Variants in PCDHGB6 observed in about 807,000 individuals in gnomAD.
The protein encoded by PCDHGB6 is protocadherin gamma subfamily B, 6.
A neutral mutation model predicts 59.1 loss-of-function variants in PCDHGB6; 51 were observed. The ratio of observed to expected loss-of-function variants is 0.86; its 90% confidence interval spans 0.69 to 1.09. PCDHGB6 has a LOEUF of 1.09. Among genes scored for constraint, PCDHGB6 ranks in the 50% least tolerant of loss-of-function variants. The pLI is 0.00. For missense variants in PCDHGB6, 1,148 were observed against 1,205.1 expected, an observed-to-expected ratio of 0.95 and a Z score of 0.70; for synonymous variants, 466 against 495.1, an observed-to-expected ratio of 0.94 and a Z score of 0.78.
rs1167791830 is a variant in PCDHGB6 at position 141,420,032 on chromosome 5, G to A, written c.2418+9412G>A. 6.2e-7 allele frequency: 1 copy of A among 1,613,956 alleles called. No individual in the cohort carries two copies. Among genetic ancestry groups the A allele is most frequent in the Non-Finnish European group, 8.5e-7 (1 of 1,179,920 alleles). ...ACAGTCTTTCAGCCCTACTGCAGGA[G>A]ACTGCTTTGAGTCAGTTCTCTGCTC... On this transcript the variant is annotated intron_variant, in intron 1 of 3. Coordinates refer to ENST00000520790, the MANE Select transcript of PCDHGB6 (RefSeq NM_018926.3).
At chr5:141,412,139 T>C (rs1380576842) in intron 1 of PCDHGB6, 1 of 152,250 alleles carries the variant, frequency 6.6e-6, no homozygotes, top group Non-Finnish European at 1.5e-5. Flanking sequence ...TGGCCTCTGA[T>C]ACAAACTGCC....
Position 141,408,450 on chromosome 5 carries a change from A to C in PCDHGB6, c.248A>C (p.Asp83Ala). 6.2e-7 allele frequency: 1 copy of C among 1,613,944 alleles called. No individual in the cohort carries two copies. Among genetic ancestry groups the C allele is most frequent in the Non-Finnish European group, 8.5e-7 (1 of 1,179,820 alleles). ...LHFSVDAESG[D>A]LLVKNRIDRE... ...TTCAGCGTAGACGCGGAGAGCGGGGACTTACTTGTGAAGAACCGAATAGAC... is the reference window on the plus strand; with the variant it reads ...TTCAGCGTAGACGCGGAGAGCGGGGCCTTACTTGTGAAGAACCGAATAGAC... Residue 83 changes from aspartate (D) to alanine (A), a missense_variant, in exon 1 of 4, where the codon GAC becomes GCC. Physicochemically the swap from Asp to Ala is moderately radical, Grantham distance 126 (BLOSUM62 -2). Coordinates refer to ENST00000520790, the MANE Select transcript of PCDHGB6 (RefSeq NM_018926.3).
At chr5:141,417,503 TAA>T in intron 1 of PCDHGB6, 1 of 229,962 alleles carries the variant, frequency 4.3e-6, no homozygotes, top group East Asian at 9.7e-5. Flanking sequence ...GGAAAAAGAT[TAA>T]AATATTTTGG....
At chr5:141,422,721 G>A in intron 1 of PCDHGB6, 1 of 1,605,664 alleles carries the variant, frequency 6.2e-7, no homozygotes, top group East Asian at 2.2e-5. Flanking sequence ...ACACTGTCCA[G>A]GGGGTGCCTC....
chr5:141,431,222 C>T lies in PCDHGB6; in HGVS notation c.2418+20602C>T. On this transcript the variant is annotated intron_variant, in intron 1 of 3. Transcript: ENST00000520790. The surrounding 1 kb of genome is among the most constrained non-coding windows in gnomAD (Gnocchi z 4.8). ...AGCCACTGAGATGCGGTTCCCTCTA[C>T]CCCACGCCTGGGATCCGGATATCGG... The T allele has an allele frequency of 6.2e-7, 1 of 1,614,170 alleles. No individual in the cohort carries two copies. Among genetic ancestry groups the T allele is most frequent in the South Asian group, 1.1e-5 (1 of 91,090 alleles).
chr5:141,495,921 T>C (rs959070876), intron 2 of PCDHGB6, among the ~76,000 whole-genome samples: 1 of 152,196 alleles, frequency 6.6e-6, no homozygotes, highest in Non-Finnish European at 1.5e-5. Context: ...TCTTTCTTTG[T>C]CTCTGTCTCT....
Position 141,491,504 on chromosome 5 carries a change from G to T in PCDHGB6, c.2419-3303G>T. 6.2e-7 allele frequency: 1 copy of T among 1,614,048 alleles called. No homozygotes were observed. The highest frequency in any genetic ancestry group is 2.2e-5 in the East Asian group (1 of 44,876). Reference sequence around the variant, plus strand: ...CCCAACCTGCAGGTGAGCTCGGACGGCACGCTCAAGTACATGGAGGTGACG... The same window carrying T: ...CCCAACCTGCAGGTGAGCTCGGACGTCACGCTCAAGTACATGGAGGTGACG... On this transcript the variant is annotated intron_variant, in intron 1 of 3. Transcript: ENST00000520790. The surrounding 1 kb of genome is among the most constrained non-coding windows in gnomAD (Gnocchi z 6.9).
intron 1 of PCDHGB6, among the ~76,000 whole-genome samples, chr5:141,425,305 AC>A (rs1239206853): frequency 1.3e-5 from 2 of 152,202 alleles, no homozygotes; most frequent in Non-Finnish European, 2.9e-5. Flanking sequence ...ATCTAAACTA[AC>A]TTCCCAAGAT....
chr5:141,424,962 C>G (rs1018789700), intron 1 of PCDHGB6, among the ~76,000 whole-genome samples: 2 of 152,116 alleles, frequency 1.3e-5, no homozygotes, highest in Admixed American at 6.6e-5. Flanking sequence ...GTATTTGCCC[C>G]AAATTACTTG....
At position 141,431,754 on chromosome 5, in the gene PCDHGB6, A is replaced by C; in HGVS notation, c.2418+21134A>C. ...AATGCAGGATATTCTGCGCGAGCCA[A>C]AGTCCTGATCACTGTTCTGGACGTG... On this transcript the variant is annotated intron_variant, in intron 1 of 3. Transcript: ENST00000520790. The surrounding 1 kb of genome is among the most constrained non-coding windows in gnomAD (Gnocchi z 4.8). The C allele has an allele frequency of 6.2e-7, 1 of 1,614,208 alleles. No individual in the cohort carries two copies. Among genetic ancestry groups the C allele is most frequent in the Middle Eastern group, 1.6e-4 (1 of 6,062 alleles).
At chr5:141,428,362 G>T (rs868168419) in intron 1 of PCDHGB6, 2 of 556,756 alleles carry the variant, frequency 3.6e-6, no homozygotes, top group Non-Finnish European at 6.6e-6. Context: ...TTTGGCGGTC[G>T]CCTTGCACCT....
chr5:141,491,901 G>C lies in PCDHGB6; in HGVS notation c.2419-2906G>C, dbSNP rs1196717010. 1 of 1,429,696 alleles carries C rather than the reference G, an allele frequency of 7.0e-7. No homozygotes were observed. The highest frequency in any genetic ancestry group is 9.3e-7 in the Non-Finnish European group (1 of 1,080,148). 88.6% of individuals were successfully genotyped at this position (1,429,696 alleles called of 1,614,324 possible). ...AAGGGATGGGGCTCCGAGCACCGGG[G>C]GTGGTGGCGACTGTGGGCGAGGGGA... On this transcript the variant is annotated intron_variant, in intron 1 of 3. Transcript: ENST00000520790. The surrounding 1 kb of genome is among the most constrained non-coding windows in gnomAD (Gnocchi z 6.9).
chr5:141,420,047 G>C (rs1242042066), intron 1 of PCDHGB6: 1 of 1,613,958 alleles, frequency 6.2e-7, no homozygotes, highest in East Asian at 2.2e-5. Flanking sequence ...CTTTGAGTCA[G>C]TTCTCTGCTC....
chr5:141,470,452 G>A (rs981528762), intron 1 of PCDHGB6, among the ~76,000 whole-genome samples: 1 of 152,130 alleles, frequency 6.6e-6, no homozygotes, highest in Admixed American at 6.5e-5. Flanking sequence ...ATAGCATCTT[G>A]AATAGGATTT....
At chr5:141,419,588 A>T in intron 1 of PCDHGB6, 1 of 1,611,830 alleles carries the variant, frequency 6.2e-7, no homozygotes, top group East Asian at 2.2e-5. Flanking sequence ...GCTCTTCGAC[A>T]CAGTGCCGCG....
Position 141,512,171 on chromosome 5 carries a change from T to C in PCDHGB6, c.*998T>C, listed in dbSNP as rs140884268. ...GGGCTGAGCTAACAGGACCAATGGA[T>C]TAAACTGGCATTTCAGTCCAAGGAA... On this transcript the variant is annotated 3_prime_UTR_variant, in exon 4 of 4. Transcript: ENST00000520790. 584 of 152,796 alleles carry C rather than the reference T, an allele frequency of 3.8e-3. 5 individuals carry two copies. The highest frequency in any genetic ancestry group is 0.011 in the Admixed American group (167 of 15,298). The allele number at this position is 152,796 out of a possible 1,614,324, so 9.5% of individuals were successfully genotyped here. A position where few individuals can be genotyped will look rare whatever the true frequency, so the allele number is the denominator to read the frequency against.
At chr5:141,461,225 T>C (rs1157429654) in intron 1 of PCDHGB6, among the ~76,000 whole-genome samples, 3 of 152,162 alleles carry the variant, frequency 2.0e-5, no homozygotes, top group African/African-American at 7.2e-5. Flanking sequence ...CTGTTTTCCA[T>C]AGAGGTTGTA....
intron 1 of PCDHGB6, among the ~76,000 whole-genome samples, chr5:141,449,929 T>C (rs2098659723): frequency 6.6e-6 from 1 of 151,912 alleles, no homozygotes; most frequent in Non-Finnish European, 1.5e-5. Context: ...TACCATACCT[T>C]ATAGTATATT....
In PCDHGB6 at chr5:141,492,378, C is replaced by T. The variant is rs144479033; in HGVS notation, c.2419-2429C>T. Among the ~76,000 whole-genome samples the T allele has an allele frequency of 1.7e-3, 262 of 152,360 alleles. 2 individuals are homozygous for T. The highest frequency in any genetic ancestry group is 3.0e-3 in the Non-Finnish European group (207 of 68,026). On this transcript the variant is annotated intron_variant, in intron 1 of 3. Coordinates refer to ENST00000520790, the MANE Select transcript of PCDHGB6 (RefSeq NM_018926.3). ...CTCGCTCGCGGCCAGATTCACAGGCCTGTTCCGGTCCACTCGCAGCTCCCC... is the reference window on the plus strand; with the variant it reads ...CTCGCTCGCGGCCAGATTCACAGGCTTGTTCCGGTCCACTCGCAGCTCCCC...
Sources: gnomAD v4.1 joint callset for allele counts (sites outside exome capture counted in the v4.1 genomes callset) on GRCh38, gnomAD v4.1.1 for gene constraint, Gnocchi (gnomAD v3.1) non-coding constraint, MANE v1.5 for transcripts, NCBI Gene and HGNC (gene_info 2026-07-23, HGNC 2026-07-21) for gene names.